The following SPARCL1 variants were observed in gnomAD, a reference collection of about 807,000 sequenced individuals.
The protein encoded by SPARCL1 is SPARC-like protein 1.
In SPARCL1, 52 loss-of-function variants were observed where a neutral mutation model predicts 67.1. That is an observed-to-expected ratio of 0.78 (90% CI 0.62 to 0.98). The LOEUF is 0.98. Among genes scored for constraint, SPARCL1 ranks in the 50% least tolerant of loss-of-function variants. The pLI is 0.00. For missense variants in SPARCL1, 717 were observed against 782.4 expected (o/e 0.92, Z 1.00); for synonymous variants, 226 against 267.8 (o/e 0.84, Z 1.52).
intron 1 of SPARCL1, among the ~76,000 whole-genome samples, chr4:87,517,090 GTATCTGTGCTACTATTTTCTCT>G (rs1435933464): frequency 2.0e-5 from 3 of 152,064 alleles, no homozygotes; most frequent in Non-Finnish European, 4.4e-5. Flanking sequence ...TCCTACTATG[GTATCTGTGCTACTATTTTCTCT>G]TTCTCAGAGA....
At position 87,490,841 on chromosome 4, in the gene SPARCL1, G is replaced by T. The variant is rs189143813; in HGVS notation, c.1329C>A (p.Ile443=). 4.8e-5 allele frequency: 77 copies of T among 1,611,412 alleles called. No individual in the cohort carries two copies. Among genetic ancestry groups the T allele is most frequent in the Non-Finnish European group, 4.1e-5 (48 of 1,178,640 alleles). The part of the protein sequence containing the change: ...CMSFQCKRGH[I]CKADQQGKPH... ...GTTTTCCCTGTTGGTCTGCCTTACA[G>T]ATGTGGCCTCTTTTACACTGGAAGC... The change falls in exon 6 of 11, where the codon ATC becomes ATA. Residue 443 remains isoleucine (I), a synonymous_variant. Coordinates refer to ENST00000282470, the MANE Select transcript of SPARCL1 (RefSeq NM_004684.6).
intron 1 of SPARCL1, among the ~76,000 whole-genome samples, chr4:87,526,250 G>GC (rs761736215): frequency 6.6e-6 from 1 of 152,120 alleles, no homozygotes; most frequent in Non-Finnish European, 1.5e-5. Flanking sequence ...TCGTGTTGAG[G>GC]CCCCCCACCA....
chr4:87,480,424 C>T lies in SPARCL1; in HGVS notation c.1765G>A (p.Val589Met), dbSNP rs1470601375. ...RDFKKNYHMYVYPVHWQFSEL... is the reference protein window; with the variant it reads ...RDFKKNYHMYMYPVHWQFSEL... ...CTAAACTGCCAGTGCACAGGATACA[C>T]ATACATGTGGTAGTTTTTCTTAAAG... The change falls in exon 9 of 11, where the codon GTG becomes ATG. Residue 589 changes from valine (V) to methionine (M), a missense_variant. Val to Met is a conservative substitution (Grantham distance 21). Coordinates refer to ENST00000282470, the MANE Select transcript of SPARCL1 (RefSeq NM_004684.6). The T allele has an allele frequency of 6.2e-7, 1 of 1,613,208 alleles. No homozygotes were observed. Among genetic ancestry groups the T allele is most frequent in the East Asian group, 2.2e-5 (1 of 44,858 alleles).
chr4:87,497,094 C>T (rs981200400), intron 2 of SPARCL1: 3 of 279,364 alleles, frequency 1.1e-5, no homozygotes, highest in Non-Finnish European at 1.6e-5. Flanking sequence ...GTTGGCCAGG[C>T]TGGTCTCAAA....
chr4:87,511,851 C>T (rs924545810), intron 1 of SPARCL1, among the ~76,000 whole-genome samples: 13 of 151,700 alleles, frequency 8.6e-5, no homozygotes, highest in African/African-American at 3.1e-4. Flanking sequence ...AAATGATTGG[C>T]TGTGCAAAGG....
chr4:87,504,468 T>C (rs913104345), intron 1 of SPARCL1, among the ~76,000 whole-genome samples: 7 of 152,170 alleles, frequency 4.6e-5, no homozygotes, highest in African/African-American at 1.7e-4. Context: ...GTTTACCAAA[T>C]AAATTTACAA....
At position 87,494,639 on chromosome 4, in the gene SPARCL1, T is replaced by G. The variant is rs764357595; in HGVS notation, c.202-41A>C. The G allele has an allele frequency of 5.8e-5, 85 of 1,469,246 alleles. 1 individual carries two copies. In the Middle Eastern group the frequency reaches 7.1e-4, roughly 12 times the overall value. 91.0% of individuals were successfully genotyped at this position (1,469,246 alleles called of 1,614,324 possible). A position where few individuals can be genotyped will look rare whatever the true frequency, so the allele number is the denominator to read the frequency against. ...AGTTCATTCTTCAAACAAATGATAATGTAACCATATTTATGCCTAAGGTAA... is the reference window on the plus strand; with the variant it reads ...AGTTCATTCTTCAAACAAATGATAAGGTAACCATATTTATGCCTAAGGTAA... On this transcript the variant is annotated intron_variant, in intron 3 of 10. Coordinates refer to ENST00000282470, the MANE Select transcript of SPARCL1 (RefSeq NM_004684.6).
chr4:87,528,119 G>GCAGTACCTCTTGGTGTACTGTTTCAA (rs1726126712), intron 1 of SPARCL1: 1 of 152,164 alleles, frequency 6.6e-6, no homozygotes, highest in Non-Finnish European at 1.5e-5. Context: ...TACTCTTTCT[G>GCAGTACCTCTTGGTGTACTGTTTCAA]CAGTACCTCT....
intron 2 of SPARCL1, among the ~76,000 whole-genome samples, chr4:87,497,903 T>C (rs548552701): frequency 2.6e-5 from 4 of 152,278 alleles, no homozygotes; most frequent in Middle Eastern, 6.8e-3. Context: ...TACAGGCACA[T>C]GCCATGGCAG....
chr4:87,513,850 A>C (rs1447142567), intron 1 of SPARCL1, among the ~76,000 whole-genome samples: 2 of 152,140 alleles, frequency 1.3e-5, no homozygotes, highest in Non-Finnish European at 2.9e-5. Flanking sequence ...CTATACTTTT[A>C]AATCTTTGTT....
At chr4:87,489,228 C>T (rs1476741504) in intron 7 of SPARCL1, among the ~76,000 whole-genome samples, 3 of 152,260 alleles carry the variant, frequency 2.0e-5, no homozygotes, top group Admixed American at 6.5e-5. Flanking sequence ...TGTAGGCACC[C>T]GAAGGAATCT....
Position 87,490,397 on chromosome 4 carries a change from T to C in SPARCL1, c.1411-4A>G. Reference sequence around the variant, plus strand: ...TCTGATTGTCAGTGCCACAAACCTATGGAAGATAAGTAGAAGAAAAAGCTG... The same window carrying C: ...TCTGATTGTCAGTGCCACAAACCTACGGAAGATAAGTAGAAGAAAAAGCTG... On this transcript the variant is annotated splice_polypyrimidine_tract_variant and splice_region_variant and intron_variant, in intron 6 of 10. Coordinates refer to ENST00000282470, the MANE Select transcript of SPARCL1 (RefSeq NM_004684.6). 1.2e-6 allele frequency: 2 copies of C among 1,600,038 alleles called. No individual in the cohort carries two copies. The highest frequency in any genetic ancestry group is 1.7e-6 in the Non-Finnish European group (2 of 1,175,884).
Position 87,473,624 on chromosome 4 carries a change from T to G in SPARCL1, c.*151A>C, listed in dbSNP as rs1723437711. The G allele has an allele frequency of 1.8e-6, 1 of 543,504 alleles. No individual in the cohort carries two copies. The highest frequency in any genetic ancestry group is 1.9e-5 in the African/African-American group (1 of 52,032). The allele number at this position is 543,504 out of a possible 1,614,324, so 33.7% of individuals were successfully genotyped here. A position where few individuals can be genotyped will look rare whatever the true frequency, so the allele number is the denominator to read the frequency against. Reference sequence around the variant, plus strand: ...AAGTTAATGTTAAATACCTGGTGCATAGGTTGTTGTCAAGCAATTACTCTC... The same window carrying G: ...AAGTTAATGTTAAATACCTGGTGCAGAGGTTGTTGTCAAGCAATTACTCTC... On this transcript the variant is annotated 3_prime_UTR_variant, in exon 11 of 11. Transcript: ENST00000282470.
intron 1 of SPARCL1, among the ~76,000 whole-genome samples, chr4:87,499,838 C>A (rs1260905001): frequency 2.6e-5 from 4 of 151,944 alleles, no homozygotes; most frequent in Non-Finnish European, 2.9e-5. Context: ...GACAGTACTT[C>A]TTCGAGTAAA....
chr4:87,476,342 T>C (rs927472049), intron 10 of SPARCL1, among the ~76,000 whole-genome samples: 1 of 152,246 alleles, frequency 6.6e-6, no homozygotes, highest in African/African-American at 2.4e-5. Context: ...TCTTAAAATA[T>C]ATCTTGAATA....
At chr4:87,503,459 A>G (rs1379971521) in intron 1 of SPARCL1, among the ~76,000 whole-genome samples, 1 of 152,034 alleles carries the variant, frequency 6.6e-6, no homozygotes. Context: ...CTGTGAGTCT[A>G]TATTATTACT....
intron 1 of SPARCL1, among the ~76,000 whole-genome samples, chr4:87,500,601 T>C (rs1013825582): frequency 2.6e-5 from 4 of 152,194 alleles, no homozygotes; most frequent in African/African-American, 9.7e-5. Flanking sequence ...AATTATTTTT[T>C]GCAAACATAA....
At chr4:87,505,724 G>GGTTTTTT (rs55992030) in intron 1 of SPARCL1, among the ~76,000 whole-genome samples, 8 of 141,114 alleles carry the variant, frequency 5.7e-5, no homozygotes, top group Non-Finnish European at 6.2e-5. Context: ...TCAGCTAATT[G>GGTTTTTT]TTTTTTTTTT....
At chr4:87,528,615 C>G (rs921062552) in intron 1 of SPARCL1, 1 of 152,066 alleles carries the variant, frequency 6.6e-6, no homozygotes, top group African/African-American at 2.4e-5. Context: ...GATTGAATAA[C>G]TTTAGATAAT....
Sources: gnomAD v4.1 joint callset for allele counts (sites outside exome capture counted in the v4.1 genomes callset) on GRCh38, gnomAD v4.1.1 for gene constraint, MANE v1.5 for transcripts, NCBI Gene and HGNC (gene_info 2026-07-23, HGNC 2026-07-21) for gene names.